The following CDH16 variants were observed in gnomAD, a reference collection of about 807,000 sequenced individuals.
The protein encoded by CDH16 is cadherin 16.
A neutral mutation model predicts 87.6 loss-of-function variants in CDH16; 79 were observed. The observed-to-expected ratio is 0.90, with a 90% CI of 0.75 to 1.09. The LOEUF (loss-of-function observed/expected upper bound fraction) is 1.09, where lower values mean the gene tolerates loss of function less well. CDH16 is among the 50% of genes least tolerant of loss of function. The pLI is 0.00. For missense variants in CDH16, 1,124 were observed against 1,071.7 expected (o/e 1.05, Z -0.68); for synonymous variants, 457 against 439.5 (o/e 1.04, Z -0.50).
In CDH16 at chr16:66,911,893, G is replaced by A. The variant is rs1368704277; in HGVS notation, c.1790+6C>T. On this transcript the variant is annotated splice_donor_region_variant and intron_variant, in intron 13 of 17. Transcript: ENST00000299752. The stretch of plus-strand genomic sequence containing the variant: ...GTCCAGGTAAGGGGCTGGGATTTTA[G>A]CTCACCTGAGGGTTCGGCTGATGGG... 4 of 1,581,898 alleles carry A rather than the reference G, an allele frequency of 2.5e-6. No homozygotes were observed. Among genetic ancestry groups the A allele is most frequent in the African/African-American group, 2.7e-5 (2 of 74,410 alleles).
chr16:66,915,068 C>T, intron 6 of CDH16, 152 bp downstream of exon 6: 3 of 716,890 alleles, frequency 4.2e-6, no homozygotes, highest in Non-Finnish European at 6.9e-6. Flanking sequence ...CCTGCCTCCA[C>T]AGCCCCCTGC....
chr16:66,918,186 C>A (rs944760148), intron 1 of CDH16, 108 bp from the exon 2 acceptor site: 2 of 710,340 alleles, frequency 2.8e-6, no homozygotes, highest in East Asian at 6.3e-5. Context: ...CTCTTCCTCC[C>A]CTCCAAAGGA....
At chr16:66,910,177 C>G (rs1042125154) in intron 15 of CDH16, 83 bp downstream of exon 15, 1 of 1,555,942 alleles carries the variant, frequency 6.4e-7, no homozygotes, top group Non-Finnish European at 8.7e-7. Context: ...AGCCCCACCC[C>G]CATGGTAGAA....
chr16:66,913,576 T>A lies in CDH16; in HGVS notation c.818A>T (p.Glu273Val), dbSNP rs374526377. ...TTCAAAGGGTCCCGGGGGATGGCTC[T>A]CCAGGTGATAGTGCACATCACCCCC... is the stretch of plus-strand genomic sequence containing the variant. Reference protein sequence around the residue: ...WSGGDVHYHLESHPPGPFEVN... With the variant: ...WSGGDVHYHLVSHPPGPFEVN... The change falls in exon 8 of 18, where the codon GAG becomes GTG. Residue 273 changes from glutamate to valine, a missense_variant. Physicochemically the swap from Glu to Val is moderately radical, Grantham distance 121. Transcript: ENST00000299752. 4.6e-5 allele frequency: 74 copies of A among 1,613,986 alleles called. No homozygotes were observed. Among genetic ancestry groups the A allele is most frequent in the Non-Finnish European group, 5.9e-5 (70 of 1,180,002 alleles).
intron 9 of CDH16, 115 bp from the exon 10 acceptor site, chr16:66,913,006 G>T (rs1398102452): frequency 3.9e-6 from 5 of 1,296,132 alleles, no homozygotes; most frequent in Non-Finnish European, 5.4e-6. Flanking sequence ...GTGTGTGTGT[G>T]TGTGTGTGTG....
At chr16:66,913,105 C>T (rs572112416) in intron 9 of CDH16, 26 bp downstream of exon 9, 52 of 1,588,636 alleles carry the variant, frequency 3.3e-5, no homozygotes, top group South Asian at 3.0e-4. Context: ...ATAGAGACTT[C>T]GTCCCTCTCC....
chr16:66,913,650 T>A, intron 7 of CDH16, 37 bp from the exon 8 acceptor site: 2 of 1,609,792 alleles, frequency 1.2e-6, no homozygotes, highest in Non-Finnish European at 1.7e-6. Context: ...GCAGGAACAA[T>A]CCATGTCAGC....
In CDH16 at chr16:66,916,755, C is replaced by T. The variant is rs531068096; in HGVS notation, c.130-326G>A. Among the ~76,000 whole-genome samples the T allele has an allele frequency of 8.5e-5, 13 of 152,240 alleles. No individual in the cohort carries two copies. The South Asian group carries it at 2.3e-3, about 27-fold the overall frequency. On this transcript the variant is annotated intron_variant, in intron 3 of 17. Transcript: ENST00000299752. This position sits in a 1 kb window ranked among gnomAD's most constrained non-coding sequence, Gnocchi z 4.1. ...CCCACTGCAGGTTGAGCATCTCTAA[C>T]CCGAAAATCTGAAATCTGAAATACT... is the stretch of plus-strand genomic sequence containing the variant.
At position 66,912,548 on chromosome 16, in the gene CDH16, C is replaced by T. The variant is rs1962477928; in HGVS notation, c.1315G>A (p.Val439Ile). Residue 439 changes from valine (V) to isoleucine (I), a missense_variant, in exon 11 of 18, where the codon GTC (valine) becomes ATC (isoleucine). Transcript: ENST00000299752. Reference sequence around the variant, plus strand: ...GGGGCGTGATCATTGATATCTGTGACTGCGACTTCGACTTCACACGTGCTG... The same window carrying T: ...GGGGCGTGATCATTGATATCTGTGATTGCGACTTCGACTTCACACGTGCTG... ...FSSTCEVEVAVTDINDHAPEF... is the reference protein window; with the variant it reads ...FSSTCEVEVAITDINDHAPEF... 1 of 1,614,090 alleles carries T rather than the reference C, an allele frequency of 6.2e-7. No homozygotes were observed. Among genetic ancestry groups the T allele is most frequent in the Non-Finnish European group, 8.5e-7 (1 of 1,180,044 alleles).
At chr16:66,917,144 A>T (rs1962714873) in intron 3 of CDH16, among the ~76,000 whole-genome samples, 1 of 151,822 alleles carries the variant, frequency 6.6e-6, no homozygotes, top group Non-Finnish European at 1.5e-5. Flanking sequence ...AAAAAAAAAA[A>T]AAAAATTAGC....
chr16:66,911,907 T>C lies in CDH16; in HGVS notation c.1782A>G (p.Arg594=). 1 of 1,597,182 alleles carries C rather than the reference T, an allele frequency of 6.3e-7. No homozygotes were observed. The highest frequency in any genetic ancestry group is 8.6e-7 in the Non-Finnish European group (1 of 1,168,714). ...CTGGGATTTTAGCTCACCTGAGGGT[T>C]CGGCTGATGGGGTCGGAGGGCTGGA... is the stretch of plus-strand genomic sequence containing the variant. ...LTIQPSDPIS[R]TLRFSLVNDS... Residue 594 remains arginine, a synonymous_variant, in exon 13 of 18, where the codon CGA becomes CGG. Transcript: ENST00000299752.
Position 66,912,586 on chromosome 16 carries a change from G to A in CDH16, c.1283-6C>T, listed in dbSNP as rs764190281. Reference sequence around the variant, plus strand: ...TTCACACGTGCTGCTGAAGCCTAGGGCAGAGGTGGACGTGTTGGTGAGGTC... The same window carrying A: ...TTCACACGTGCTGCTGAAGCCTAGGACAGAGGTGGACGTGTTGGTGAGGTC... On this transcript the variant is annotated splice_polypyrimidine_tract_variant and splice_region_variant and intron_variant, in intron 10 of 17. Transcript: ENST00000299752. 1 of 1,614,186 alleles carries A rather than the reference G, an allele frequency of 6.2e-7. No homozygotes were observed.
Position 66,914,386 on chromosome 16 carries a change from C to T in CDH16, c.610G>A (p.Glu204Lys), listed in dbSNP as rs1175456076. 4 of 1,613,906 alleles carry T rather than the reference C, an allele frequency of 2.5e-6. No individual in the cohort carries two copies. The highest frequency in any genetic ancestry group is 2.2e-5 in the East Asian group (1 of 44,898). The change falls in exon 7 of 18, where the codon GAG becomes AAG. Residue 204 changes from glutamate to lysine, a missense_variant. Glu to Lys is a moderately conservative substitution (Grantham distance 56). Transcript: ENST00000299752. ...KGSTSLDHAL[E>K]RTYQLLVQVK... is the part of the protein sequence containing the mutation. ...TGTACCAACAGCTGGTAGGTCCTCT[C>T]CAGGGCGTGGTCAAGGCTGGTGCTC...
chr16:66,910,924 T>C (rs2145449394), intron 14 of CDH16: 2 of 439,416 alleles, frequency 4.6e-6, no homozygotes, highest in Non-Finnish European at 8.1e-6. Context: ...GGCCCTCCAG[T>C]GGCTAAAGGA....
In CDH16 at chr16:66,910,268, G is replaced by A; in HGVS notation, c.2159C>T (p.Thr720Ile). Residue 720 changes from threonine (T) to isoleucine (I), a missense_variant, in exon 15 of 18, where the codon ACT becomes ATT. By Grantham distance (89) the Thr-to-Ile change is moderately conservative (BLOSUM62 -1). Transcript: ENST00000299752. ...CTTTCCCCACCACACACCATTGAGA[G>A]TCTGGAGGCGCCAATCCCGTTGCAC... ...PTVQRDWRLQ[T>I]LNGSHAYLTL... 3 of 1,600,016 alleles carry A rather than the reference G, an allele frequency of 1.9e-6. No individual in the cohort carries two copies. The highest frequency in any genetic ancestry group is 8.5e-7 in the Non-Finnish European group (1 of 1,172,232).
In CDH16 at chr16:66,917,639, C is replaced by T. The variant is rs1354228912; in HGVS notation, c.129+3G>A. 4.3e-6 allele frequency: 7 copies of T among 1,610,356 alleles called. No individual in the cohort carries two copies. Among genetic ancestry groups the T allele is most frequent in the East Asian group, 4.5e-5 (2 of 44,872 alleles). Reference sequence around the variant, plus strand: ...CGGCCCCAACCCCAGCTCTCCGGCTCACCTTGGTCAGGTATAAAGGGAAAT... The same window carrying T: ...CGGCCCCAACCCCAGCTCTCCGGCTTACCTTGGTCAGGTATAAAGGGAAAT... On this transcript the variant is annotated splice_donor_region_variant and intron_variant, in intron 3 of 17. Transcript: ENST00000299752.
intron 6 of CDH16, among the ~76,000 whole-genome samples, chr16:66,914,721 T>A (rs993560889): frequency 3.3e-5 from 5 of 152,038 alleles, no homozygotes; most frequent in Non-Finnish European, 7.4e-5. Flanking sequence ...GTGGTTGACT[T>A]GGTAGGTGGA....
rs1391590783 is a variant in CDH16 at position 66,912,018 on chromosome 16, T to A, written c.1671A>T (p.Arg557Ser). Reference protein sequence around the residue: ...ATATVTVLVERVMPPPKLDQE... With the variant: ...ATATVTVLVESVMPPPKLDQE... Reference sequence around the variant, plus strand: ...GGTCCAACTTGGGGGGTGGCATCACTCTCTCCACTAGCACAGTCACCGTGG... The same window carrying A: ...GGTCCAACTTGGGGGGTGGCATCACACTCTCCACTAGCACAGTCACCGTGG... Residue 557 changes from arginine (R) to serine (S), a missense_variant, in exon 13 of 18, where the codon AGA (arginine) becomes AGT (serine). By Grantham distance (110) the Arg-to-Ser change is moderately radical. Coordinates refer to ENST00000299752, the MANE Select transcript of CDH16 (RefSeq NM_004062.4). The A allele has an allele frequency of 1.2e-6, 2 of 1,613,956 alleles. No individual in the cohort carries two copies. Among genetic ancestry groups the A allele is most frequent in the Admixed American group, 1.7e-5 (1 of 60,004 alleles).
chr16:66,913,515 C>G lies in CDH16; in HGVS notation c.879G>C (p.Glu293Asp). The stretch of plus-strand genomic sequence containing the variant: ...CCTCAGCCTGGGCTTCTCTGTCCAG[C>G]TCTCTGGTCACGTAGAGGTTTCCCT... ...NAEGNLYVTR[E>D]LDREAQAEYL... The change falls in exon 8 of 18, where the codon GAG becomes GAC. Residue 293 changes from glutamate to aspartate, a missense_variant. Transcript: ENST00000299752. The G allele has an allele frequency of 6.2e-7, 1 of 1,614,188 alleles. No homozygotes were observed. Among genetic ancestry groups the G allele is most frequent in the South Asian group, 1.1e-5 (1 of 91,088 alleles).
Sources: gnomAD v4.1 joint callset for allele counts (sites outside exome capture counted in the v4.1 genomes callset) on GRCh38, gnomAD v4.1.1 for gene constraint, Gnocchi (gnomAD v3.1) non-coding constraint, MANE v1.5 for transcripts, NCBI Gene and HGNC (gene_info 2026-07-23, HGNC 2026-07-21) for gene names.